CACNB2: variants seen among roughly 807,000 people sequenced by gnomAD.
The protein encoded by CACNB2 is voltage-dependent L-type calcium channel subunit beta-2.
CACNB2 carries 42 observed loss-of-function variants against 73.3 expected under a neutral mutation model. That is an observed-to-expected ratio of 0.57 (90% CI 0.45 to 0.74). The LOEUF (loss-of-function observed/expected upper bound fraction) is 0.74. CACNB2 is among the 30% of genes least tolerant of loss of function. The probability of loss-of-function intolerance (pLI) is 0.00; values close to 1 mark genes in which losing one functional copy is unlikely to be tolerated. For missense variants in CACNB2, 940 were observed against 853.0 expected (o/e 1.10, Z -1.27); for synonymous variants, 348 against 310.3 (o/e 1.12, Z -1.28).
intron 6 of CACNB2, among the ~76,000 whole-genome samples, chr10:18,509,366 A>T (rs1296073911): frequency 6.6e-6 from 1 of 152,176 alleles, no homozygotes; most frequent in Non-Finnish European, 1.5e-5. Context: ...AACTTGGAAA[A>T]TTTCCCACTT....
At chr10:18,263,368 C>G (rs952474330) in intron 2 of CACNB2, among the ~76,000 whole-genome samples, 1 of 152,156 alleles carries the variant, frequency 6.6e-6, no homozygotes, top group Non-Finnish European at 1.5e-5. Flanking sequence ...CCTCGTCATA[C>G]TGGTTGGGCT....
chr10:18,304,194 G>A (rs1406970908), intron 2 of CACNB2, among the ~76,000 whole-genome samples: 3 of 152,144 alleles, frequency 2.0e-5, no homozygotes, highest in South Asian at 4.1e-4. Flanking sequence ...GGGTTCAAGC[G>A]AGCCTCCTGA....
chr10:18,425,813 A>G (rs1575835), intron 3 of CACNB2, among the ~76,000 whole-genome samples: 49,095 of 152,226 alleles, frequency 0.32, 8,165 homozygotes, highest in Middle Eastern at 0.41. Context: ...CTTTTGTATA[A>G]GGAGTGAGAT....
intron 12 of CACNB2, 46 bp downstream of exon 12, chr10:18,536,242 C>CTTTT: frequency 3.6e-6 from 1 of 281,288 alleles, no homozygotes; most frequent in South Asian, 4.4e-5. Flanking sequence ...AGAGATCAGA[C>CTTTT]CTTTTTTTTT....
At chr10:18,371,494 T>A (rs1041048829) in intron 2 of CACNB2, among the ~76,000 whole-genome samples, 2 of 152,188 alleles carry the variant, frequency 1.3e-5, no homozygotes, top group African/African-American at 4.8e-5. Context: ...TTGCTGAGAA[T>A]GATGGTTTCC....
chr10:18,197,133 T>A (rs552524859), intron 2 of CACNB2, among the ~76,000 whole-genome samples: 1 of 152,276 alleles, frequency 6.6e-6, no homozygotes, highest in Non-Finnish European at 1.5e-5. Context: ...CATTGGTTGA[T>A]AGTTATCAGA....
intron 2 of CACNB2, among the ~76,000 whole-genome samples, chr10:18,203,951 G>A (rs1391215077): frequency 6.6e-6 from 1 of 152,124 alleles, no homozygotes; most frequent in Non-Finnish European, 1.5e-5. Context: ...AAATACAGTC[G>A]TTTTTGTAAA....
chr10:18,243,349 T>G (rs1003959989), intron 2 of CACNB2, among the ~76,000 whole-genome samples: 2 of 151,982 alleles, frequency 1.3e-5, no homozygotes, highest in African/African-American at 2.4e-5. Context: ...CCAGGTAAGT[T>G]GGAGAATTTT....
At chr10:18,169,396 A>C (rs564623979) in intron 2 of CACNB2, among the ~76,000 whole-genome samples, 3 of 152,188 alleles carry the variant, frequency 2.0e-5, no homozygotes, top group Non-Finnish European at 4.4e-5. Context: ...TTCTGATTAC[A>C]AAAGGCATAT....
chr10:18,364,772 C>A (rs1371653100), intron 2 of CACNB2, among the ~76,000 whole-genome samples: 2 of 152,172 alleles, frequency 1.3e-5, no homozygotes, highest in Non-Finnish European at 2.9e-5. Flanking sequence ...AGATATCTTT[C>A]ATCTTCATTC....
At chr10:18,531,517 G>A (rs1156981896) in intron 10 of CACNB2, among the ~76,000 whole-genome samples, 2 of 152,070 alleles carry the variant, frequency 1.3e-5, no homozygotes, top group African/African-American at 2.4e-5. Context: ...TATTTCTTTG[G>A]GTATATAGCC....
intron 3 of CACNB2, among the ~76,000 whole-genome samples, chr10:18,456,215 G>A (rs1455540029): frequency 3.9e-5 from 6 of 151,962 alleles, no homozygotes; most frequent in African/African-American, 1.2e-4. Context: ...TCACACCTGT[G>A]ATCCCAGCAC....
intron 3 of CACNB2, among the ~76,000 whole-genome samples, chr10:18,430,144 A>AGGG (rs752971803): frequency 1.8e-4 from 21 of 115,096 alleles, no homozygotes; most frequent in African/African-American, 6.0e-4. Flanking sequence ...AAAAAAAAAA[A>AGGG]GGGACATATT....
At chr10:18,255,591 G>A (rs1199624502) in intron 2 of CACNB2, among the ~76,000 whole-genome samples, 3 of 152,158 alleles carry the variant, frequency 2.0e-5, no homozygotes, top group East Asian at 3.8e-4. Context: ...GCAGAGACAC[G>A]CACTTGATGA....
intron 3 of CACNB2, among the ~76,000 whole-genome samples, chr10:18,426,727 C>A (rs1423817277): frequency 6.6e-6 from 1 of 152,096 alleles, no homozygotes; most frequent in Non-Finnish European, 1.5e-5. Flanking sequence ...CCACTCCAGT[C>A]CTTTTAACTT....
chr10:18,163,800 A>G (rs1442751100), intron 2 of CACNB2, among the ~76,000 whole-genome samples: 1 of 152,174 alleles, frequency 6.6e-6, no homozygotes, highest in African/African-American at 2.4e-5. Context: ...AATAAAGGGC[A>G]GGAGTTCTGT....
chr10:18,512,078 G>A (rs754996818), intron 6 of CACNB2, among the ~76,000 whole-genome samples: 7 of 152,180 alleles, frequency 4.6e-5, no homozygotes, highest in Non-Finnish European at 1.0e-4. Context: ...AATTTGAAGT[G>A]AGATTATGCA....
intron 3 of CACNB2, among the ~76,000 whole-genome samples, chr10:18,402,478 G>A (rs1480412623): frequency 6.6e-6 from 1 of 151,078 alleles, no homozygotes; most frequent in Non-Finnish European, 1.5e-5. Flanking sequence ...CTTCATAGGT[G>A]TTTTATGTTA....
intron 4 of CACNB2, among the ~76,000 whole-genome samples, chr10:18,499,635 A>ACCTAG: frequency 7.3e-6 from 1 of 136,312 alleles, no homozygotes; most frequent in Non-Finnish European, 1.6e-5. Flanking sequence ...AAAAAAAAAA[A>ACCTAG]AAAAGAACCT....
Sources: allele counts gnomAD v4.1 joint callset (sites outside exome capture counted in the v4.1 genomes callset), GRCh38; gene constraint gnomAD v4.1.1; transcripts MANE v1.5; gene names NCBI Gene and HGNC (gene_info 2026-07-23, HGNC 2026-07-21).